Variants in TRPM3 observed in about 807,000 individuals in gnomAD.
TRPM3 encodes transient receptor potential cation channel subfamily M member 3.
In TRPM3, 77 loss-of-function variants were observed where a neutral mutation model predicts 181.2. The observed-to-expected ratio is 0.42, with a 90% CI of 0.35 to 0.51. TRPM3 has a LOEUF of 0.51. TRPM3 is among the 20% of genes least tolerant of loss of function. The pLI is 0.01. For synonymous variants in TRPM3, 745 were observed against 796.4 expected (o/e 0.94, Z 1.09); for missense variants, 1,759 against 2,196.7 (o/e 0.80, Z 3.98).
chr9:71,437,190 A>G (rs1007923006), intron 1 of TRPM3, among the ~76,000 whole-genome samples: 2 of 152,216 alleles, frequency 1.3e-5, no homozygotes, highest in Admixed American at 1.3e-4. Context: ...GAATGAGAAA[A>G]TAGTTGATGA....
At chr9:70,849,913 A>G (rs1298622078) in intron 3 of TRPM3, among the ~76,000 whole-genome samples, 3 of 152,190 alleles carry the variant, frequency 2.0e-5, no homozygotes, top group Admixed American at 2.0e-4. Flanking sequence ...TCGTTAAAGT[A>G]TATTTGAAAT....
upstream of TRPM3, chr9:71,446,917 C>A (rs1467723559): frequency 2.2e-6 from 3 of 1,347,350 alleles, no homozygotes; most frequent in Middle Eastern, 2.7e-4. Context: ...TCCCTCCAGC[C>A]TGCGCGCGGC....
At chr9:70,967,153 T>C (rs1447903887) in intron 1 of TRPM3, among the ~76,000 whole-genome samples, 1 of 152,114 alleles carries the variant, frequency 6.6e-6, no homozygotes, top group African/African-American at 2.4e-5. Flanking sequence ...AATTTCATTC[T>C]AATGCTATTC....
intron 1 of TRPM3, among the ~76,000 whole-genome samples, chr9:71,116,936 G>A (rs148915398): frequency 1.9e-4 from 29 of 152,146 alleles, no homozygotes; most frequent in African/African-American, 6.0e-4. Context: ...CTTTACTTTT[G>A]TCAGTCCTAC....
intron 1 of TRPM3, among the ~76,000 whole-genome samples, chr9:71,011,374 T>C (rs1248478776): frequency 6.6e-6 from 1 of 152,192 alleles, no homozygotes; most frequent in South Asian, 2.1e-4. Context: ...CATTACATTA[T>C]ACATGCATTG....
At chr9:71,420,693 AAGAGAAAGAG>A (rs1372369119) in intron 1 of TRPM3, among the ~76,000 whole-genome samples, 514 of 20,344 alleles carry the variant, frequency 0.025, 3 homozygotes, top group African/African-American at 0.065. Context: ...GAGAAAGGGA[AAGAGAAAGAG>A]AGAGAAAGAA....
chr9:71,153,367 C>T (rs1180571090), intron 1 of TRPM3, among the ~76,000 whole-genome samples: 1 of 151,524 alleles, frequency 6.6e-6, no homozygotes, highest in Non-Finnish European at 1.5e-5. Flanking sequence ...TCTCAGCCCA[C>T]TGCAACCTAG....
At chr9:70,555,401 C>G (rs1020468575) in intron 22 of TRPM3, among the ~76,000 whole-genome samples, 2 of 152,208 alleles carry the variant, frequency 1.3e-5, no homozygotes, top group African/African-American at 4.8e-5. Context: ...CACAAGATTC[C>G]TGGTGGAAGG....
intron 1 of TRPM3, among the ~76,000 whole-genome samples, chr9:71,205,296 A>G (rs2079059746): frequency 1.3e-5 from 2 of 152,184 alleles, no homozygotes; most frequent in South Asian, 4.1e-4. Context: ...AAAGAGGAAC[A>G]AGAACGATTA....
chr9:70,587,886 C>T (rs1288411260), intron 22 of TRPM3, among the ~76,000 whole-genome samples: 2 of 152,210 alleles, frequency 1.3e-5, no homozygotes, highest in African/African-American at 4.8e-5. Context: ...CAGCAAGTTG[C>T]ATTCCCACGA....
chr9:71,143,803 C>T (rs893481545), intron 1 of TRPM3, among the ~76,000 whole-genome samples: 14 of 152,160 alleles, frequency 9.2e-5, no homozygotes, highest in Non-Finnish European at 2.1e-4. Context: ...TACACTCTCA[C>T]CAACAGTGTA....
Position 70,619,043 on chromosome 9 carries a change from C to A in TRPM3, c.2182G>T (p.Glu728Ter). The change falls in exon 17 of 26, where the codon GAA becomes TAA. Residue 728 changes from glutamate to a stop codon, truncating the protein, a stop_gained. Coordinates refer to ENST00000677713, the MANE Select transcript of TRPM3 (RefSeq NM_001366145.2). LOFTEE classifies it high-confidence loss of function. ...GTCAGCAGTTTCATGGCCAGCTGTT[C>A]GTCCTGCTTGTAGGACTGGTCCAGG... ...ELLDQSYKQDEQLAMKLLTYE... is the reference protein window; with the variant it reads ...ELLDQSYKQD 1 of 1,614,140 alleles carries A rather than the reference C, an allele frequency of 6.2e-7. No homozygotes were observed. Among genetic ancestry groups the A allele is most frequent in the South Asian group, 1.1e-5 (1 of 91,056 alleles).
intron 1 of TRPM3, among the ~76,000 whole-genome samples, chr9:71,281,035 T>G (rs1403685465): frequency 1.3e-5 from 2 of 152,224 alleles, no homozygotes; most frequent in Admixed American, 1.3e-4. Context: ...TGTTCACCAC[T>G]GTGTCCCCAG....
chr9:70,611,979 C>A (rs1455136309), intron 18 of TRPM3, among the ~76,000 whole-genome samples: 1 of 152,140 alleles, frequency 6.6e-6, no homozygotes, highest in Non-Finnish European at 1.5e-5. Flanking sequence ...ATTGGTGGCA[C>A]CATGGGAAAG....
At chr9:71,131,522 T>C (rs529915561) in intron 1 of TRPM3, among the ~76,000 whole-genome samples, 1 of 152,226 alleles carries the variant, frequency 6.6e-6, no homozygotes, top group African/African-American at 2.4e-5. Context: ...CAATCAAAAT[T>C]TGTTGACTAT....
chr9:70,828,013 G>C lies in TRPM3; in HGVS notation c.807C>G (p.Val269=). The part of the protein sequence containing the change: ...NQEDLIGRDV[V]RPYQTMSNPM... ...GATTGGACATGGTCTGGTATGGCCG[G>C]ACAACCTGCAGGGTATCAAATGGAA... Residue 269 remains valine (V), a synonymous_variant, in exon 6 of 26, where the codon GTC becomes GTG. Coordinates refer to ENST00000677713, the MANE Select transcript of TRPM3 (RefSeq NM_001366145.2). The C allele has an allele frequency of 6.2e-7, 1 of 1,609,968 alleles. No homozygotes were observed. Among genetic ancestry groups the C allele is most frequent in the Non-Finnish European group, 8.5e-7 (1 of 1,177,494 alleles).
At chr9:70,845,438 C>T (rs891567770) in intron 4 of TRPM3, among the ~76,000 whole-genome samples, 15 of 152,060 alleles carry the variant, frequency 9.9e-5, no homozygotes, top group African/African-American at 3.6e-4. Context: ...CAGGGTTTCA[C>T]CATGTTGGCC....
intron 1 of TRPM3, among the ~76,000 whole-genome samples, chr9:71,300,287 G>A: frequency 6.6e-6 from 1 of 151,994 alleles, no homozygotes. Flanking sequence ...TCTGCAAGCT[G>A]GTTTTAATGA....
intron 7 of TRPM3, among the ~76,000 whole-genome samples, chr9:70,767,316 C>A (rs1035730360): frequency 3.3e-5 from 5 of 152,184 alleles, no homozygotes; most frequent in Non-Finnish European, 7.3e-5. Flanking sequence ...ATGCAGACAT[C>A]TGCTTGCTCA....
Sources: allele counts gnomAD v4.1 joint callset (sites outside exome capture counted in the v4.1 genomes callset), GRCh38; gene constraint gnomAD v4.1.1; transcripts MANE v1.5; gene names NCBI Gene and HGNC (gene_info 2026-07-23, HGNC 2026-07-21).